The following ULK4 variants were observed in gnomAD, a reference collection of about 807,000 sequenced individuals.
ULK4 encodes inactive serine/threonine-protein kinase ULK4.
A neutral mutation model predicts 160.6 loss-of-function variants in ULK4; 133 were observed. That is an observed-to-expected ratio of 0.83 (90% CI 0.72 to 0.96). The LOEUF is 0.96. ULK4 is among the 40% of genes least tolerant of loss of function. ULK4 has a pLI of 0.00. For missense variants in ULK4, 1,580 were observed against 1,499.5 expected, an observed-to-expected ratio of 1.05 and a Z score of -0.89; for synonymous variants, 534 against 539.8, an observed-to-expected ratio of 0.99 and a Z score of 0.15.
intron 32 of ULK4, among the ~76,000 whole-genome samples, chr3:41,495,229 GAT>G (rs1218028953): frequency 6.6e-6 from 1 of 152,040 alleles, no homozygotes; most frequent in East Asian, 1.9e-4. Flanking sequence ...CCAAAACAGA[GAT>G]ATAGATCAAT....
intron 35 of ULK4, among the ~76,000 whole-genome samples, chr3:41,394,089 C>A (rs1414241902): frequency 6.6e-6 from 1 of 152,040 alleles, no homozygotes; most frequent in African/African-American, 2.4e-5. Flanking sequence ...CAAGTAGTAA[C>A]CAACAACTGA....
intron 22 of ULK4, among the ~76,000 whole-genome samples, chr3:41,718,575 T>C (rs1167093995): frequency 6.6e-6 from 1 of 152,098 alleles, no homozygotes; most frequent in Non-Finnish European, 1.5e-5. Flanking sequence ...CTAGTCATTT[T>C]CTCAAGTTCC....
At chr3:41,837,240 CTT>C (rs2041785443) in intron 17 of ULK4, among the ~76,000 whole-genome samples, 1 of 152,118 alleles carries the variant, frequency 6.6e-6, no homozygotes, top group South Asian at 2.1e-4. Context: ...TGAGGTATAA[CTT>C]ATATAAAATC....
chr3:41,913,017 C>T, intron 8 of ULK4, 118 bp from the exon 9 acceptor site: 1 of 765,908 alleles, frequency 1.3e-6, no homozygotes, highest in Non-Finnish European at 2.1e-6. Flanking sequence ...CCTTTGAAAT[C>T]ATTTTATATT....
At chr3:41,892,916 G>A (rs767166724) in intron 16 of ULK4, among the ~76,000 whole-genome samples, 4 of 152,196 alleles carry the variant, frequency 2.6e-5, no homozygotes, top group African/African-American at 9.7e-5. Context: ...GTTTTAGTCA[G>A]TTGAGGAGAC....
At chr3:41,600,093 C>T (rs1296504992) in intron 31 of ULK4, among the ~76,000 whole-genome samples, 2 of 152,070 alleles carry the variant, frequency 1.3e-5, no homozygotes, top group Non-Finnish European at 2.9e-5. Flanking sequence ...CTTTCCAAGG[C>T]TCATCAGAGG....
At position 41,865,270 on chromosome 3, in the gene ULK4, TTAAAAAAAAAA is replaced by T. The variant is rs1424728224; in HGVS notation, c.1656+18593_1656+18603del. 5.5e-4 allele frequency among the ~76,000 whole-genome samples: 36 copies of T among 65,624 alleles called. 1 individual carries two copies. The highest frequency in any genetic ancestry group is 1.2e-3 in the African/African-American group (20 of 16,038). The allele number at this position is 65,624 out of a possible 152,430, so 43.1% of individuals were successfully genotyped here. On this transcript the variant is annotated intron_variant, in intron 17 of 36. Coordinates refer to ENST00000301831, the MANE Select transcript of ULK4 (RefSeq NM_017886.4). ...TGGGCAACAGAGCAAGACTCTGTCT[TTAAAAAAAAAA>T]AAAAAAAAAAAAAAAAAAAAAAAAG...
chr3:41,337,846 C>T (rs2080596132), intron 35 of ULK4, among the ~76,000 whole-genome samples: 1 of 152,150 alleles, frequency 6.6e-6, no homozygotes, highest in African/African-American at 2.4e-5. Flanking sequence ...GAATCTCAAG[C>T]TGCTCCAGGT....
intron 29 of ULK4, among the ~76,000 whole-genome samples, chr3:41,677,237 C>A (rs1575559292): frequency 6.6e-6 from 1 of 151,714 alleles, no homozygotes; most frequent in Non-Finnish European, 1.5e-5. Flanking sequence ...CCAGTCATAC[C>A]CAGGTTTCAA....
In ULK4 at chr3:41,518,257, C is replaced by T. The variant is rs576314856; in HGVS notation, c.3226+47768G>A. Among the ~76,000 whole-genome samples, 9 of 152,234 alleles carry T rather than the reference C, an allele frequency of 5.9e-5. No individual in the cohort carries two copies. In the South Asian group the frequency reaches 1.9e-3, roughly 32 times the overall value. ...AGACTAAAGATCATTTTATTGTTTG[C>T]CAATCTCTCATCTATATATCTGTAA... On this transcript the variant is annotated intron_variant, in intron 32 of 36. Coordinates refer to ENST00000301831, the MANE Select transcript of ULK4 (RefSeq NM_017886.4).
At chr3:41,663,298 A>C (rs1371128838) in intron 30 of ULK4, among the ~76,000 whole-genome samples, 1 of 152,182 alleles carries the variant, frequency 6.6e-6, no homozygotes, top group Non-Finnish European at 1.5e-5. Flanking sequence ...AGATTTAATA[A>C]ACTGCTCAGT....
chr3:41,322,367 T>C (rs1211548625), intron 35 of ULK4, among the ~76,000 whole-genome samples: 1 of 152,174 alleles, frequency 6.6e-6, no homozygotes, highest in Non-Finnish European at 1.5e-5. Context: ...ACTCCTGCTC[T>C]AAAACTTGCC....
chr3:41,498,212 A>G (rs560838352), intron 32 of ULK4, among the ~76,000 whole-genome samples: 3 of 152,342 alleles, frequency 2.0e-5, no homozygotes, highest in African/African-American at 4.8e-5. Context: ...TTCATTCAAC[A>G]TAACTGAAAA....
chr3:41,810,556 T>G (rs575969218), intron 19 of ULK4, among the ~76,000 whole-genome samples: 52 of 152,356 alleles, frequency 3.4e-4, no homozygotes, highest in African/African-American at 1.2e-3. Flanking sequence ...GGCTCACACC[T>G]GTAATCCCAG....
At chr3:41,748,308 C>A (rs993392166) in intron 22 of ULK4, among the ~76,000 whole-genome samples, 6 of 151,134 alleles carry the variant, frequency 4.0e-5, no homozygotes, top group Non-Finnish European at 8.8e-5. Context: ...CACACAGACA[C>A]GCACATACCA....
At chr3:41,539,252 T>C (rs559452048) in intron 32 of ULK4, among the ~76,000 whole-genome samples, 16 of 152,182 alleles carry the variant, frequency 1.1e-4, no homozygotes, top group South Asian at 4.1e-4. Context: ...ATTGCCATTA[T>C]AGCATAAAAC....
intron 34 of ULK4, among the ~76,000 whole-genome samples, chr3:41,454,830 T>C (rs530431704): frequency 2.0e-5 from 3 of 151,978 alleles, no homozygotes; most frequent in African/African-American, 7.2e-5. Flanking sequence ...GTAGCTGGAA[T>C]TACAGGTGAA....
chr3:41,754,344 A>G lies in ULK4; in HGVS notation c.2321+17T>C. ...CTAAATTGAAGTTACTGATGAAACCATCAGAGAAAATCTTACCTTGCTTGG... is the reference window on the plus strand; with the variant it reads ...CTAAATTGAAGTTACTGATGAAACCGTCAGAGAAAATCTTACCTTGCTTGG... On this transcript the variant is annotated intron_variant, in intron 22 of 36. Coordinates refer to ENST00000301831, the MANE Select transcript of ULK4 (RefSeq NM_017886.4). The G allele has an allele frequency of 6.2e-7, 1 of 1,606,378 alleles. No homozygotes were observed.
At chr3:41,654,496 T>G (rs1273549477) in intron 30 of ULK4, among the ~76,000 whole-genome samples, 1 of 152,188 alleles carries the variant, frequency 6.6e-6, no homozygotes, top group Non-Finnish European at 1.5e-5. Context: ...TAGGACAATT[T>G]TAATTTAACT....
Sources: gnomAD v4.1 joint callset for allele counts (sites outside exome capture counted in the v4.1 genomes callset) on GRCh38, gnomAD v4.1.1 for gene constraint, MANE v1.5 for transcripts, NCBI Gene and HGNC (gene_info 2026-07-23, HGNC 2026-07-21) for gene names.